The following NPHP1 variants were observed in gnomAD, a reference collection of about 807,000 sequenced individuals.
NPHP1 encodes nephrocystin-1.
In NPHP1, 70 loss-of-function variants were observed where a neutral mutation model predicts 90.4. The ratio of observed to expected loss-of-function variants is 0.77; its 90% CI spans 0.64 to 0.95. The LOEUF (loss-of-function observed/expected upper bound fraction) is 0.95. NPHP1 is among the 40% of genes least tolerant of loss of function. The pLI, the probability that NPHP1 is intolerant of heterozygous loss-of-function variation, is 0.00. For synonymous variants in NPHP1, 256 were observed against 271.7 expected, an observed-to-expected ratio of 0.94 and a Z score of 0.57; for missense variants, 764 against 795.9, an observed-to-expected ratio of 0.96 and a Z score of 0.48.
At chr2:110,132,394 C>T (rs1351200535) in intron 16 of NPHP1, among the ~76,000 whole-genome samples, 1 of 152,168 alleles carries the variant, frequency 6.6e-6, no homozygotes, top group East Asian at 1.9e-4. Flanking sequence ...GTGGCTCACA[C>T]CTGTAATCCT....
chr2:110,139,817 T>C (rs1680498219), intron 16 of NPHP1, among the ~76,000 whole-genome samples: 1 of 152,044 alleles, frequency 6.6e-6, no homozygotes, highest in Non-Finnish European at 1.5e-5. Flanking sequence ...GGGCGTGCCT[T>C]TGAAGGAGAG....
chr2:110,204,858 C>T (rs761702183), intron 1 of NPHP1, 42 bp downstream of exon 1: 1 of 1,604,940 alleles, frequency 6.2e-7, no homozygotes, highest in East Asian at 2.2e-5. Context: ...GCTGCGTCCG[C>T]CTGTCGCCCG....
At chr2:110,144,454 A>G in intron 15 of NPHP1, 39 bp downstream of exon 15, 2 of 1,340,128 alleles carry the variant, frequency 1.5e-6, no homozygotes, top group Non-Finnish European at 2.2e-6. Flanking sequence ...CTATTTGTTT[A>G]ATCTTTAAGG....
At chr2:110,203,146 T>C (rs796663560) in intron 1 of NPHP1, among the ~76,000 whole-genome samples, 38 of 152,228 alleles carry the variant, frequency 2.5e-4, no homozygotes, top group African/African-American at 8.9e-4. Flanking sequence ...CTGGAGGCCA[T>C]TGTCCTAAGT....
intron 11 of NPHP1, among the ~76,000 whole-genome samples, chr2:110,157,253 A>G (rs138932349): frequency 3.9e-5 from 6 of 152,306 alleles, no homozygotes; most frequent in African/African-American, 1.4e-4. Flanking sequence ...ATAAAATTCC[A>G]TTCCTTTTTA....
At chr2:110,147,856 AT>A in intron 13 of NPHP1, 59 bp downstream of exon 13, 2 of 1,000,530 alleles carry the variant, frequency 2.0e-6, no homozygotes, top group Non-Finnish European at 3.2e-6. Flanking sequence ...CAATAGACAC[AT>A]TTTTTAACCT....
chr2:110,201,026 A>AT (rs909825384), intron 2 of NPHP1, among the ~76,000 whole-genome samples: 3 of 151,802 alleles, frequency 2.0e-5, no homozygotes, highest in South Asian at 2.1e-4. Flanking sequence ...TCTCCCAAGG[A>AT]TTTTTTTTTA....
chr2:110,150,522 A>C (rs1297593903), intron 11 of NPHP1, among the ~76,000 whole-genome samples: 1 of 152,094 alleles, frequency 6.6e-6, no homozygotes, highest in Non-Finnish European at 1.5e-5. Context: ...CAGAAAAGTA[A>C]TTGAAATTTT....
intron 12 of NPHP1, among the ~76,000 whole-genome samples, chr2:110,149,593 G>A (rs1470827763): frequency 6.6e-6 from 1 of 152,122 alleles, no homozygotes; most frequent in Non-Finnish European, 1.5e-5. Flanking sequence ...GGTAACTAAG[G>A]GTTTTCAGGA....
At chr2:110,137,714 T>C (rs1574072752) in intron 16 of NPHP1, among the ~76,000 whole-genome samples, 1 of 151,956 alleles carries the variant, frequency 6.6e-6, no homozygotes, top group East Asian at 1.9e-4. Flanking sequence ...GGAACACTTT[T>C]ACACTGTTGG....
In NPHP1 at chr2:110,131,670, C is replaced by G. The variant is rs748508934; in HGVS notation, c.1642+9G>C. 1 of 1,548,058 alleles carries G rather than the reference C, an allele frequency of 6.5e-7. No individual in the cohort carries two copies. Among genetic ancestry groups the G allele is most frequent in the Non-Finnish European group, 8.9e-7 (1 of 1,119,760 alleles). On this transcript the variant is annotated intron_variant, in intron 17 of 19. Coordinates refer to ENST00000445609, the MANE Select transcript of NPHP1 (RefSeq NM_001128178.3). The stretch of plus-strand genomic sequence containing the variant: ...TACTGCACATAAGGAAGTGGCAAAG[C>G]CCACTTACCAGTACTTTGCAAGCTC...
intron 11 of NPHP1, 27 bp from the exon 12 acceptor site, chr2:110,150,283 T>C: frequency 6.2e-7 from 1 of 1,606,492 alleles, no homozygotes; most frequent in South Asian, 1.1e-5. Context: ...CCTTTTGAAA[T>C]CATGTAAAAA....
In NPHP1 at chr2:110,147,998, T is replaced by C. The variant is rs978534998; in HGVS notation, c.1187A>G (p.Asp396Gly). Residue 396 changes from aspartate to glycine, a missense_variant, in exon 13 of 20, where the codon GAT (aspartate) becomes GGT (glycine). Transcript: ENST00000445609. ...QVTRILPCLL[D>G]GDCFIRSNSA... is the part of the protein sequence containing the mutation. ...ATTAGACCTGATAAAGCAATCACCA[T>C]CAAGCAAACATGGTAAGATGCGAGT... The C allele has an allele frequency of 1.2e-6, 2 of 1,609,344 alleles. No homozygotes were observed. Among genetic ancestry groups the C allele is most frequent in the South Asian group, 1.1e-5 (1 of 90,984 alleles).
chr2:110,135,757 C>T (rs562204363), intron 16 of NPHP1, among the ~76,000 whole-genome samples: 3 of 152,038 alleles, frequency 2.0e-5, no homozygotes, highest in Admixed American at 2.0e-4. Context: ...AGAAAAATCA[C>T]CAAAGATTTA....
intron 18 of NPHP1, 172 bp from the exon 19 acceptor site, chr2:110,125,853 C>G (rs1679321965): frequency 4.6e-6 from 3 of 649,326 alleles, no homozygotes; most frequent in Admixed American, 4.6e-5. Context: ...TGACCCAGCA[C>G]CAGAATGACC....
chr2:110,133,240 AAG>A (rs950633987), intron 16 of NPHP1, among the ~76,000 whole-genome samples: 1 of 152,116 alleles, frequency 6.6e-6, no homozygotes, highest in Non-Finnish European at 1.5e-5. Context: ...TAGCAACTAA[AAG>A]AGAACATGTT....
Position 110,163,093 on chromosome 2 carries a change from G to C in NPHP1, c.814C>G (p.Pro272Ala). 2 of 1,613,674 alleles carry C rather than the reference G, an allele frequency of 1.2e-6. No homozygotes were observed. Among genetic ancestry groups the C allele is most frequent in the South Asian group, 2.2e-5 (2 of 91,064 alleles). Residue 272 changes from proline to alanine, a missense_variant, in exon 9 of 20, where the codon CCT (proline) becomes GCT (alanine). Physicochemically the swap from Pro to Ala is conservative, Grantham distance 27. Transcript: ENST00000445609. ...VDVLTTMGAI[P>A]AGFRPSTLSQ... ...AGCGTGGAAGGCCTGAACCCTGCAGGAATAGCTCCCATCGTAGTTAACACA... is the reference window on the plus strand; with the variant it reads ...AGCGTGGAAGGCCTGAACCCTGCAGCAATAGCTCCCATCGTAGTTAACACA...
At chr2:110,139,706 T>C (rs1320483435) in intron 16 of NPHP1, among the ~76,000 whole-genome samples, 1 of 152,190 alleles carries the variant, frequency 6.6e-6, no homozygotes, top group African/African-American at 2.4e-5. Flanking sequence ...CTCATGTCCT[T>C]TGGCATAATG....
chr2:110,125,219 C>T, intron 19 of NPHP1: 1 of 1,535,020 alleles, frequency 6.5e-7, no homozygotes. Context: ...TGGTAATTAC[C>T]ATGATTTTAT....
Sources: gnomAD v4.1 joint callset for allele counts (sites outside exome capture counted in the v4.1 genomes callset) on GRCh38, gnomAD v4.1.1 for gene constraint, MANE v1.5 for transcripts, NCBI Gene and HGNC (gene_info 2026-07-23, HGNC 2026-07-21) for gene names.